The following CDH18 variants were observed in gnomAD, a reference collection of about 807,000 sequenced individuals.
The protein encoded by CDH18 is cadherin 18.
Under a neutral mutation model 67.9 loss-of-function variants are expected in CDH18, and 31 were observed. The ratio of observed to expected loss-of-function variants is 0.46; its 90% CI spans 0.34 to 0.62. The LOEUF is 0.62. Ranked by LOEUF, CDH18 falls within the 20% of genes least tolerant of loss-of-function variation. The pLI is 0.01. For synonymous variants in CDH18, 362 were observed against 347.2 expected (o/e 1.04, Z -0.48); for missense variants, 890 against 975.5 (o/e 0.91, Z 1.17).
intron 5 of CDH18, among the ~76,000 whole-genome samples, chr5:19,633,092 T>C (rs1033479640): frequency 1.3e-5 from 2 of 152,234 alleles, no homozygotes; most frequent in Non-Finnish European, 2.9e-5. Flanking sequence ...GAGAAAATGT[T>C]TGAAAATTCC....
intron 5 of CDH18, among the ~76,000 whole-genome samples, chr5:19,636,670 T>A (rs1051325710): frequency 2.6e-5 from 4 of 151,920 alleles, no homozygotes; most frequent in Admixed American, 2.0e-4. Context: ...AATTTTTTGA[T>A]ATCACTATGG....
intron 3 of CDH18, among the ~76,000 whole-genome samples, chr5:19,783,598 G>A (rs952623182): frequency 6.6e-6 from 1 of 151,990 alleles, no homozygotes; most frequent in Non-Finnish European, 1.5e-5. Context: ...TTCTCCCAAG[G>A]AAACCTCTGT....
intron 3 of CDH18, among the ~76,000 whole-genome samples, chr5:19,786,970 G>A (rs1222002343): frequency 6.6e-6 from 1 of 152,038 alleles, no homozygotes. Flanking sequence ...AACTTCACAA[G>A]CCAAAGAAAG....
intron 5 of CDH18, 76 bp from the exon 6 acceptor site, chr5:19,612,677 T>C: frequency 9.2e-7 from 1 of 1,081,972 alleles, no homozygotes; most frequent in Non-Finnish European, 1.4e-6. Context: ...CATACATATT[T>C]TAAGAAATGT....
intron 2 of CDH18, among the ~76,000 whole-genome samples, chr5:20,177,832 G>T (rs1737361686): frequency 6.6e-6 from 1 of 152,016 alleles, no homozygotes. Flanking sequence ...ATTTTGCTTG[G>T]CTCTCATTCT....
At position 19,838,922 on chromosome 5, in the gene CDH18, C is replaced by T; in HGVS notation, c.65G>A (p.Cys22Tyr). Residue 22 changes from cysteine to tyrosine, a missense_variant, in exon 3 of 13, where the codon TGT becomes TAT. Cys to Tyr is a radical substitution (Grantham distance 194). Transcript: ENST00000382275. ...VLVCLCFVQR[C>Y]YGTAHHSSIK... ...GGAGCTGTGGTGAGCAGTTCCATAA[C>T]ACCTCTGCACAAAACAGAGACACAC... 1.2e-6 allele frequency: 2 copies of T among 1,614,122 alleles called. No homozygotes were observed. Among genetic ancestry groups the T allele is most frequent in the South Asian group, 1.1e-5 (1 of 91,084 alleles).
At chr5:20,103,081 C>T (rs528285128) in intron 2 of CDH18, among the ~76,000 whole-genome samples, 1 of 152,272 alleles carries the variant, frequency 6.6e-6, no homozygotes, top group South Asian at 2.1e-4. Flanking sequence ...AACTCAATGC[C>T]TTAGAAAATG....
At chr5:19,592,053 T>C (rs143315944) in intron 6 of CDH18, among the ~76,000 whole-genome samples, 1 of 152,174 alleles carries the variant, frequency 6.6e-6, no homozygotes, top group African/African-American at 2.4e-5. Context: ...AACTCCCCTA[T>C]GATAGTATTC....
intron 2 of CDH18, among the ~76,000 whole-genome samples, chr5:20,105,118 G>T (rs757202258): frequency 6.6e-6 from 1 of 152,082 alleles, no homozygotes; most frequent in East Asian, 1.9e-4. Context: ...CTCTTGAGTA[G>T]CTGGGATTAC....
chr5:19,786,231 T>C (rs1244922666), intron 3 of CDH18, among the ~76,000 whole-genome samples: 3 of 152,172 alleles, frequency 2.0e-5, no homozygotes, highest in Admixed American at 2.0e-4. Flanking sequence ...AATAATTTTA[T>C]ATTTAAGTCC....
At chr5:20,304,184 T>G in intron 1 of CDH18, 1 of 1,525,870 alleles carries the variant, frequency 6.6e-7, no homozygotes, top group Non-Finnish European at 9.1e-7. Flanking sequence ...AATAAAAACG[T>G]TATTTTTCCC....
At chr5:19,999,217 T>TACACACAC (rs149828207) in intron 2 of CDH18, among the ~76,000 whole-genome samples, 1 of 149,770 alleles carries the variant, frequency 6.7e-6, no homozygotes, top group African/African-American at 2.4e-5. Flanking sequence ...AACTATTATT[T>TACACACAC]ACACACACAC....
chr5:20,167,669 CAT>C (rs904762713), intron 2 of CDH18, among the ~76,000 whole-genome samples: 17 of 152,204 alleles, frequency 1.1e-4, no homozygotes, highest in Non-Finnish European at 2.1e-4. Context: ...TACAAAGAGA[CAT>C]GTGAATGTGC....
chr5:20,232,418 C>T (rs1357741491), intron 2 of CDH18, among the ~76,000 whole-genome samples: 1 of 152,068 alleles, frequency 6.6e-6, no homozygotes, highest in Non-Finnish European at 1.5e-5. Flanking sequence ...GAAAGAAACA[C>T]ATTAGTATCT....
chr5:19,663,481 A>T (rs1757472140), intron 5 of CDH18, among the ~76,000 whole-genome samples: 1 of 151,988 alleles, frequency 6.6e-6, no homozygotes, highest in South Asian at 2.1e-4. Flanking sequence ...TTAGCTTGCT[A>T]GAGAAGACCT....
chr5:20,361,342 C>T lies in CDH18; in HGVS notation c.-579-105837G>A, dbSNP rs978720194. 5.9e-5 allele frequency among the ~76,000 whole-genome samples: 9 copies of T among 151,898 alleles called. No homozygotes were observed. The South Asian group carries it at 6.3e-4, about 11-fold the overall frequency. ...ATTAGCTATTAAACAGTGATTTAAG[C>T]GAGAGAAGTCATTTTATACTAAAAA... is the stretch of plus-strand genomic sequence containing the variant. On this transcript the variant is annotated intron_variant, in intron 1 of 14. Coordinates refer to the CDH18 transcript ENST00000507958.
At chr5:19,831,361 A>G (rs1213964319) in intron 3 of CDH18, among the ~76,000 whole-genome samples, 1 of 152,104 alleles carries the variant, frequency 6.6e-6, no homozygotes, top group Non-Finnish European at 1.5e-5. Context: ...AATTTTTGCA[A>G]ACTGCATCCT....
intron 1 of CDH18, among the ~76,000 whole-genome samples, chr5:20,279,965 T>G (rs1359471103): frequency 6.6e-6 from 1 of 151,900 alleles, no homozygotes; most frequent in Non-Finnish European, 1.5e-5. Flanking sequence ...TAGTCCACGT[T>G]AGCACACAAA....
chr5:20,156,371 A>G (rs769129931), intron 2 of CDH18, among the ~76,000 whole-genome samples: 1 of 152,184 alleles, frequency 6.6e-6, no homozygotes, highest in Non-Finnish European at 1.5e-5. Flanking sequence ...ACTTTGATAT[A>G]TATCTCTACC....
Sources: allele counts gnomAD v4.1 joint callset (sites outside exome capture counted in the v4.1 genomes callset), GRCh38; gene constraint gnomAD v4.1.1; transcripts MANE v1.5; gene names NCBI Gene and HGNC (gene_info 2026-07-23, HGNC 2026-07-21).